DLC1: variants seen among roughly 807,000 people sequenced by gnomAD.
DLC1 encodes DLC1 Rho GTPase activating protein.
DLC1 carries 54 observed loss-of-function variants against 140.3 expected under a neutral mutation model. The observed-to-expected ratio is 0.38, with a 90% CI of 0.31 to 0.48. The LOEUF (loss-of-function observed/expected upper bound fraction) is 0.48. DLC1 is among the 20% of genes least tolerant of loss of function. DLC1 has a pLI of 0.96. For missense variants in DLC1, 2,536 were observed against 1,907.0 expected (o/e 1.33, Z -6.14); for synonymous variants, 986 against 728.1 (o/e 1.35, Z -5.70).
intron 5 of DLC1, chr8:13,214,742 C>T: frequency 1.3e-6 from 1 of 780,956 alleles, no homozygotes; most frequent in Middle Eastern, 2.3e-4. Flanking sequence ...GTGCTCTTAT[C>T]TTCATCCACT....
At chr8:13,327,082 G>A (rs1833383105) in intron 4 of DLC1, among the ~76,000 whole-genome samples, 1 of 149,396 alleles carries the variant, frequency 6.7e-6, no homozygotes, top group East Asian at 2.0e-4. Flanking sequence ...AGCCTCCTGA[G>A]TAGCTGGGAC....
chr8:13,485,269 T>A (rs896947784), intron 2 of DLC1, among the ~76,000 whole-genome samples: 2 of 152,226 alleles, frequency 1.3e-5, no homozygotes, highest in Non-Finnish European at 2.9e-5. Context: ...AGTGTAGCCA[T>A]CTTTGTTAGC....
intron 1 of DLC1, among the ~76,000 whole-genome samples, chr8:13,585,134 T>C (rs1234062054): frequency 6.6e-6 from 1 of 152,236 alleles, no homozygotes; most frequent in Non-Finnish European, 1.5e-5. Context: ...AACAAATATG[T>C]GTAATACAAT....
intron 2 of DLC1, among the ~76,000 whole-genome samples, chr8:13,411,039 A>C (rs1837759650): frequency 6.6e-6 from 1 of 152,228 alleles, no homozygotes; most frequent in Admixed American, 6.5e-5. Flanking sequence ...CAAGAAACAT[A>C]TTATCCAGCA....
intron 2 of DLC1, among the ~76,000 whole-genome samples, chr8:13,487,571 G>T (rs866124445): frequency 2.7e-5 from 4 of 150,682 alleles, no homozygotes; most frequent in Middle Eastern, 3.5e-3. Flanking sequence ...GTTAGAAAAT[G>T]TTTTCCTTTT....
At chr8:13,122,920 AG>A (rs2128956548) in intron 5 of DLC1, among the ~76,000 whole-genome samples, 1 of 152,272 alleles carries the variant, frequency 6.6e-6, no homozygotes, top group East Asian at 1.9e-4. Flanking sequence ...ATTTTAGTAC[AG>A]TCCTATGTTT....
At position 13,145,615 on chromosome 8, in the gene DLC1, A is replaced by G. The variant is rs111279883; in HGVS notation, c.1349-29958T>C. Among the ~76,000 whole-genome samples, 297 of 152,334 alleles carry G rather than the reference A, an allele frequency of 1.9e-3. 2 individuals are homozygous for G. Among genetic ancestry groups the G allele is most frequent in the African/African-American group, 6.9e-3 (285 of 41,584 alleles). On this transcript the variant is annotated intron_variant, in intron 5 of 17. Coordinates refer to ENST00000276297, the MANE Select transcript of DLC1 (RefSeq NM_182643.3). Reference sequence around the variant, plus strand: ...ATTATATTAGGAAAAACTGGAAATAATCCAAATGTCCATCAACTGAAGAAT... The same window carrying G: ...ATTATATTAGGAAAAACTGGAAATAGTCCAAATGTCCATCAACTGAAGAAT...
intron 4 of DLC1, among the ~76,000 whole-genome samples, chr8:13,377,585 C>A (rs1330183782): frequency 6.6e-6 from 1 of 152,082 alleles, no homozygotes; most frequent in African/African-American, 2.4e-5. Context: ...AGACCTAGAG[C>A]AAAGTCAAAT....
intron 5 of DLC1, chr8:13,276,362 C>T (rs1315452157): frequency 6.6e-7 from 1 of 1,522,852 alleles, no homozygotes; most frequent in Non-Finnish European, 8.8e-7. Context: ...GAGGGGCTCG[C>T]AGGGGGCGCG....
chr8:13,115,493 TA>T, intron 6 of DLC1, 92 bp downstream of exon 6: 1 of 1,198,910 alleles, frequency 8.3e-7, no homozygotes, highest in Non-Finnish European at 1.2e-6. Context: ...ATTTAAACGA[TA>T]AAACTGCTGA....
At chr8:13,567,871 C>G (rs542176418) in intron 1 of DLC1, 3 of 1,551,768 alleles carry the variant, frequency 1.9e-6, no homozygotes, top group East Asian at 2.4e-5. Flanking sequence ...TAGTGCTTGT[C>G]ATTTACCATT....
chr8:13,509,621 G>C (rs1457382669), intron 1 of DLC1, among the ~76,000 whole-genome samples: 8 of 152,098 alleles, frequency 5.3e-5, no homozygotes, highest in African/African-American at 1.7e-4. Flanking sequence ...ACTGTATTCG[G>C]TGTGTTACTT....
At chr8:13,528,766 T>C (rs896233214) in intron 1 of DLC1, among the ~76,000 whole-genome samples, 2 of 152,146 alleles carry the variant, frequency 1.3e-5, no homozygotes, top group African/African-American at 4.8e-5. Flanking sequence ...AAACACCACA[T>C]TTGACTTTAA....
rs1834089491 is a variant in DLC1 at position 13,342,139 on chromosome 8, A to T, written c.1315-36837T>A. ...ATCTAACCATGACCAATGAGGTATC[A>T]TGAAATTAAAGTTCTACATTTTCCT... is the stretch of plus-strand genomic sequence containing the variant. On this transcript the variant is annotated intron_variant, in intron 4 of 17. Transcript: ENST00000276297. 2.0e-5 allele frequency: 3 copies of T among 152,254 alleles called. No homozygotes were observed. The South Asian group carries it at 6.2e-4, about 32-fold the overall frequency. The allele number at this position is 152,254 out of a possible 1,614,324, so 9.4% of individuals were successfully genotyped here.
Position 13,230,601 on chromosome 8 carries a change from T to C in DLC1, c.1348+74668A>G, listed in dbSNP as rs576771777. On this transcript the variant is annotated intron_variant, in intron 5 of 17. Coordinates refer to ENST00000276297, the MANE Select transcript of DLC1 (RefSeq NM_182643.3). ...ATTTTTTCTTTTTTCTTTTTTCTTT[T>C]TTTTTTTTTTTTGGAGATGGGGTCT... is the stretch of plus-strand genomic sequence containing the variant. 6.0e-5 allele frequency among the ~76,000 whole-genome samples: 9 copies of C among 149,360 alleles called. No homozygotes were observed. In the East Asian group the frequency reaches 1.6e-3, roughly 26 times the overall value.
At chr8:13,194,833 C>A (rs1453848395) in intron 5 of DLC1, among the ~76,000 whole-genome samples, 3 of 152,010 alleles carry the variant, frequency 2.0e-5, no homozygotes, top group Non-Finnish European at 4.4e-5. Context: ...CATAGAGAGA[C>A]CCCCATCTTT....
At chr8:13,308,215 C>A (rs1832534080) in intron 4 of DLC1, among the ~76,000 whole-genome samples, 1 of 152,154 alleles carries the variant, frequency 6.6e-6, no homozygotes, top group South Asian at 2.1e-4. Context: ...TCCTTATGGC[C>A]AATGTCCATA....
At chr8:13,176,655 C>T (rs1156381054) in intron 5 of DLC1, among the ~76,000 whole-genome samples, 2 of 152,216 alleles carry the variant, frequency 1.3e-5, no homozygotes, top group Non-Finnish European at 2.9e-5. Flanking sequence ...TGCACACCCA[C>T]AGCCCCAGCT....
intron 5 of DLC1, among the ~76,000 whole-genome samples, chr8:13,149,956 T>C (rs746448984): frequency 6.6e-6 from 1 of 152,164 alleles, no homozygotes; most frequent in Non-Finnish European, 1.5e-5. Context: ...TTTAAAGAAA[T>C]CTTCTCAAGG....
Sources: gnomAD v4.1 joint callset for allele counts (sites outside exome capture counted in the v4.1 genomes callset) on GRCh38, gnomAD v4.1.1 for gene constraint, MANE v1.5 for transcripts, NCBI Gene and HGNC (gene_info 2026-07-23, HGNC 2026-07-21) for gene names.